CAPN5: variants seen among roughly 807,000 people sequenced by gnomAD.
CAPN5 encodes the protein calpain 5, also known as calpain-5.
CAPN5 carries 54 observed loss-of-function variants against 73.0 expected under a neutral mutation model. That is an observed-to-expected ratio of 0.74 (90% CI 0.59 to 0.93). The LOEUF (loss-of-function observed/expected upper bound fraction) is 0.93. Among genes scored for constraint, CAPN5 ranks in the 40% least tolerant of loss-of-function variants. CAPN5 has a pLI of 0.00. For synonymous variants in CAPN5, 335 were observed against 356.9 expected, an observed-to-expected ratio of 0.94 and a Z score of 0.69; for missense variants, 785 against 882.9, an observed-to-expected ratio of 0.89 and a Z score of 1.41.
intron 1 of CAPN5, among the ~76,000 whole-genome samples, chr11:77,072,121 C>A (rs782334951): frequency 7.2e-5 from 11 of 152,208 alleles, no homozygotes; most frequent in African/African-American, 2.4e-5. Context: ...GCTTTCAGGG[C>A]CAGCCACAAC....
chr11:77,105,764 G>A (rs973687440), intron 3 of CAPN5, among the ~76,000 whole-genome samples: 3 of 152,188 alleles, frequency 2.0e-5, no homozygotes, highest in Non-Finnish European at 4.4e-5. Flanking sequence ...AGACTGACAT[G>A]GGCAAGATGT....
In CAPN5 at chr11:77,097,196, T is replaced by C. The variant is rs188328579; in HGVS notation, c.297+3383T>C. Reference sequence around the variant, plus strand: ...AAGATCATGCCACTGCACTCCAGCCTGGGCTACAGAGCGAGACTCCATCTC... The same window carrying C: ...AAGATCATGCCACTGCACTCCAGCCCGGGCTACAGAGCGAGACTCCATCTC... On this transcript the variant is annotated intron_variant, in intron 3 of 12. Transcript: ENST00000648180. Among the ~76,000 whole-genome samples, 452 of 152,024 alleles carry C rather than the reference T, an allele frequency of 3.0e-3. 2 individuals are homozygous for C. Among genetic ancestry groups the C allele is most frequent in the African/African-American group, 0.01 (431 of 41,436 alleles).
chr11:77,097,286 T>A (rs1182371803), intron 3 of CAPN5, among the ~76,000 whole-genome samples: 5 of 151,990 alleles, frequency 3.3e-5, no homozygotes, highest in Non-Finnish European at 5.9e-5. Flanking sequence ...CAGTTCCTGC[T>A]CTTTAGTTAT....
intron 3 of CAPN5, among the ~76,000 whole-genome samples, chr11:77,107,210 A>C (rs1339253212): frequency 6.6e-6 from 1 of 152,096 alleles, no homozygotes; most frequent in Non-Finnish European, 1.5e-5. Context: ...TTGGAATCAG[A>C]AGCTGAGAGC....
chr11:77,094,154 G>T (rs1950184631), intron 3 of CAPN5, among the ~76,000 whole-genome samples: 1 of 152,258 alleles, frequency 6.6e-6, no homozygotes. Flanking sequence ...CACTGATGGG[G>T]CTCAGGAGAC....
intron 3 of CAPN5, among the ~76,000 whole-genome samples, chr11:77,098,909 C>T (rs1591129724): frequency 8.6e-6 from 1 of 116,418 alleles, no homozygotes; most frequent in Non-Finnish European, 1.7e-5. Context: ...GGCTGCCGGG[C>T]GGAGAGGCTC....
intron 1 of CAPN5, among the ~76,000 whole-genome samples, chr11:77,082,150 T>TTTTCA (rs1950034251): frequency 6.6e-6 from 1 of 151,732 alleles, no homozygotes; most frequent in African/African-American, 2.4e-5. Flanking sequence ...AGGAACAGTG[T>TTTTCA]GTGCAGAGGC....
chr11:77,115,349 G>A lies in CAPN5; in HGVS notation c.700-46G>A, dbSNP rs116402491. Reference sequence around the variant, plus strand: ...TCCAGCACCTGAGTCCCTGGTCTGGGTTCCAGTGTGGCCCTGCCTCTCTGA... The same window carrying A: ...TCCAGCACCTGAGTCCCTGGTCTGGATTCCAGTGTGGCCCTGCCTCTCTGA... On this transcript the variant is annotated intron_variant, in intron 5 of 12. Transcript: ENST00000648180. The A allele has an allele frequency of 6.1e-4, 930 of 1,519,880 alleles. 4 individuals carry two copies. In the African/African-American group the frequency reaches 0.012, roughly 19 times the overall value. 94.1% of individuals were successfully genotyped at this position (1,519,880 alleles called of 1,614,324 possible). A position where few individuals can be genotyped will look rare whatever the true frequency, so the allele number is the denominator to read the frequency against.
intron 1 of CAPN5, 146 bp from the exon 2 acceptor site, chr11:77,084,706 G>C: frequency 2.9e-6 from 2 of 683,902 alleles, no homozygotes; most frequent in East Asian, 5.4e-5. Flanking sequence ...CCACTCTGCT[G>C]TATACCAGCT....
chr11:77,085,901 C>T (rs898904966), intron 2 of CAPN5, among the ~76,000 whole-genome samples: 4 of 152,272 alleles, frequency 2.6e-5, no homozygotes, highest in Non-Finnish European at 4.4e-5. Context: ...CCTCACAATG[C>T]GGGAGACCAT....
At chr11:77,103,010 C>G (rs1555039177) in intron 3 of CAPN5, 1 of 1,613,628 alleles carries the variant, frequency 6.2e-7, no homozygotes, top group South Asian at 1.1e-5. Flanking sequence ...GCCTCAACTT[C>G]ACCCAGCAGC....
At chr11:77,089,994 T>G (rs1950131938) in intron 2 of CAPN5, among the ~76,000 whole-genome samples, 1 of 152,244 alleles carries the variant, frequency 6.6e-6, no homozygotes, top group South Asian at 2.1e-4. Context: ...GGCAAGTGAC[T>G]TAACCTTTCT....
chr11:77,067,632 C>CGTGTGTGTGTGTGT (rs71043542), intron 1 of CAPN5, among the ~76,000 whole-genome samples: 6,508 of 126,566 alleles, frequency 0.051, 238 homozygotes, highest in African/African-American at 0.062. Flanking sequence ...GGCGGGCGCA[C>CGTGTGTGTGTGTGT]GTGTGTGTGT....
intron 1 of CAPN5, among the ~76,000 whole-genome samples, chr11:77,077,930 T>G (rs1949990063): frequency 6.6e-6 from 1 of 152,208 alleles, no homozygotes; most frequent in African/African-American, 2.4e-5. Context: ...TTTTTGCTAT[T>G]GAGTTGCTTG....
At chr11:77,098,816 CG>C (rs1950247389) in intron 3 of CAPN5, among the ~76,000 whole-genome samples, 1 of 133,116 alleles carries the variant, frequency 7.5e-6, no homozygotes, top group African/African-American at 3.1e-5. Flanking sequence ...GGCGGCTGGC[CG>C]GGCGGGGGGC....
In CAPN5 at chr11:77,067,909, CA is replaced by C. The variant is rs368684353; in HGVS notation, c.-36+816del. 1.3e-3 allele frequency among the ~76,000 whole-genome samples: 193 copies of C among 152,208 alleles called. 1 individual carries two copies. Among genetic ancestry groups the C allele is most frequent in the African/African-American group, 4.1e-3 (171 of 41,516 alleles). ...AGAGTGGGGCACAGAGAAGCGAAGTCAGCTGCCCTCTCAGGATTGCTGAGCC... is the reference window on the plus strand; with the variant it reads ...AGAGTGGGGCACAGAGAAGCGAAGTCGCTGCCCTCTCAGGATTGCTGAGCC... On this transcript the variant is annotated intron_variant, in intron 1 of 12. Transcript: ENST00000648180.
intron 1 of CAPN5, among the ~76,000 whole-genome samples, chr11:77,078,467 C>A (rs1949996233): frequency 6.6e-6 from 1 of 152,144 alleles, no homozygotes; most frequent in South Asian, 2.1e-4. Context: ...GTTACTATAG[C>A]TTTGTAGTAT....
intron 1 of CAPN5, among the ~76,000 whole-genome samples, chr11:77,071,152 C>T (rs560218300): frequency 2.6e-5 from 4 of 152,312 alleles, no homozygotes; most frequent in Non-Finnish European, 4.4e-5. Flanking sequence ...CAGTGCCCAC[C>T]GAGGCTGGCT....
intron 1 of CAPN5, among the ~76,000 whole-genome samples, chr11:77,076,676 G>A (rs1949972291): frequency 1.3e-5 from 2 of 152,248 alleles, no homozygotes; most frequent in African/African-American, 4.8e-5. Flanking sequence ...GTTTATCCAT[G>A]TTGTCACAAG....
Sources: gnomAD v4.1 joint callset for allele counts (sites outside exome capture counted in the v4.1 genomes callset) on GRCh38, gnomAD v4.1.1 for gene constraint, MANE v1.5 for transcripts, NCBI Gene and HGNC (gene_info 2026-07-23, HGNC 2026-07-21) for gene names.